MICU2: variants seen among roughly 807,000 people sequenced by gnomAD.
The protein encoded by MICU2 is mitochondrial calcium uptake 2.
MICU2 carries 64 observed loss-of-function variants against 60.4 expected under a neutral mutation model. The ratio of observed to expected loss-of-function variants is 1.06; its 90% confidence interval spans 0.87 to 1.31. The LOEUF is 1.31. Ranked by LOEUF, MICU2 falls within the 50% of genes most tolerant of loss-of-function variation. The probability of loss-of-function intolerance (pLI) is 0.00; values close to 1 mark genes in which losing one functional copy is unlikely to be tolerated. For synonymous variants in MICU2, 201 were observed against 175.0 expected (o/e 1.15, Z -1.17); for missense variants, 569 against 531.0 (o/e 1.07, Z -0.70).
At chr13:21,512,511 G>A (rs1471198763) in intron 7 of MICU2, among the ~76,000 whole-genome samples, 4 of 144,232 alleles carry the variant, frequency 2.8e-5, no homozygotes, top group East Asian at 2.1e-4. Context: ...GCAGTGGCTC[G>A]ATCTCGGCTC....
intron 4 of MICU2, among the ~76,000 whole-genome samples, chr13:21,528,419 T>C (rs1390969345): frequency 6.6e-6 from 1 of 152,202 alleles, no homozygotes; most frequent in Non-Finnish European, 1.5e-5. Flanking sequence ...TGTCAACTCA[T>C]GTATTTCAGG....
At chr13:21,500,417 ATTTTTTTTTTTTTTT>A (rs10608018) in intron 9 of MICU2, among the ~76,000 whole-genome samples, 1 of 124,960 alleles carries the variant, frequency 8.0e-6, no homozygotes, top group African/African-American at 3.0e-5. Flanking sequence ...ATACCTACTG[ATTTTTTTTTTTTTTT>A]TTTTTTTTTT....
intron 1 of MICU2, among the ~76,000 whole-genome samples, chr13:21,579,442 G>A (rs1888296946): frequency 6.6e-6 from 1 of 150,744 alleles, no homozygotes; most frequent in South Asian, 2.1e-4. Flanking sequence ...GTGGGTTCAA[G>A]AGATTCTCCT....
intron 4 of MICU2, among the ~76,000 whole-genome samples, chr13:21,527,958 C>T (rs1192236993): frequency 6.6e-6 from 1 of 152,140 alleles, no homozygotes; most frequent in African/African-American, 2.4e-5. Context: ...TAAAATATGA[C>T]CGCTGTTAAG....
chr13:21,549,698 G>C (rs1413381684), intron 2 of MICU2, among the ~76,000 whole-genome samples: 1 of 152,142 alleles, frequency 6.6e-6, no homozygotes, highest in Non-Finnish European at 1.5e-5. Context: ...ACCAGCATAG[G>C]GCAAAATTCC....
At chr13:21,560,013 G>T (rs972038759) in intron 2 of MICU2, among the ~76,000 whole-genome samples, 4 of 152,010 alleles carry the variant, frequency 2.6e-5, no homozygotes, top group African/African-American at 9.7e-5. Context: ...TTCCTCTTCT[G>T]TGAATGCCTA....
At position 21,603,935 on chromosome 13, in the gene MICU2, G is replaced by C. The variant is rs1313919641; in HGVS notation, c.210+4C>G. ...GGGGCTAGCAGAAGGAGTTAGTCCTGTACCTGTGCGGAGACTGTAAAACTG... is the reference window on the plus strand; with the variant it reads ...GGGGCTAGCAGAAGGAGTTAGTCCTCTACCTGTGCGGAGACTGTAAAACTG... On this transcript the variant is annotated splice_donor_region_variant and intron_variant, in intron 1 of 11. Transcript: ENST00000382374. 1.9e-6 allele frequency: 3 copies of C among 1,612,192 alleles called. No homozygotes were observed. In the East Asian group the frequency reaches 6.7e-5, roughly 36 times the overall value.
intron 4 of MICU2, among the ~76,000 whole-genome samples, chr13:21,536,860 T>C (rs1371000895): frequency 6.6e-6 from 1 of 152,250 alleles, no homozygotes; most frequent in East Asian, 1.9e-4. Flanking sequence ...CTCAGATCCT[T>C]GATAAGGTTC....
intron 1 of MICU2, among the ~76,000 whole-genome samples, chr13:21,600,531 A>G (rs1888790315): frequency 6.6e-6 from 1 of 152,204 alleles, no homozygotes; most frequent in East Asian, 1.9e-4. Context: ...TGTGTCTCTA[A>G]TCCCTGCTCC....
chr13:21,544,209 C>T (rs1887352844), intron 2 of MICU2, among the ~76,000 whole-genome samples: 1 of 151,618 alleles, frequency 6.6e-6, no homozygotes, highest in Non-Finnish European at 1.5e-5. Context: ...TACAAAACCA[C>T]TTTAAGAAAA....
At chr13:21,513,072 T>C (rs1886472271) in intron 7 of MICU2, among the ~76,000 whole-genome samples, 1 of 152,220 alleles carries the variant, frequency 6.6e-6, no homozygotes, top group African/African-American at 2.4e-5. Flanking sequence ...TACATTTTTC[T>C]TGTACCTAGT....
rs1885987537 is a variant in MICU2, at chr13:21,496,045, A to G, written c.1042+7T>C. On this transcript the variant is annotated splice_region_variant and intron_variant, in intron 10 of 11. Transcript: ENST00000382374. ...ATAAAAATTAAATGGTTTTTCATATAACTTACCTAGTCTGACAGGACGATG... is the reference window on the plus strand; with the variant it reads ...ATAAAAATTAAATGGTTTTTCATATGACTTACCTAGTCTGACAGGACGATG... 1 of 1,597,970 alleles carries G rather than the reference A, an allele frequency of 6.3e-7. No individual in the cohort carries two copies. The highest frequency in any genetic ancestry group is 8.5e-7 in the Non-Finnish European group (1 of 1,169,748).
intron 1 of MICU2, among the ~76,000 whole-genome samples, chr13:21,592,656 G>A (rs1222529753): frequency 2.0e-5 from 3 of 152,180 alleles, no homozygotes; most frequent in Non-Finnish European, 4.4e-5. Flanking sequence ...ACATCAAAAA[G>A]TTTATCCACC....
rs755293720 is a variant in MICU2, at chr13:21,495,186, T to C, written c.1175A>G (p.Lys392Arg). The part of the protein sequence containing the change: ...LSHEEFLGVL[K>R]NRMHRGLWVP... The stretch of plus-strand genomic sequence containing the variant: ...CCATAAACCTCGATGCATTCTGTTT[T>C]TTAACACCCCAAGAAACTCTTCATG... The change falls in exon 11 of 12, where the codon AAA becomes AGA. Residue 392 changes from lysine (K) to arginine (R), a missense_variant. Physicochemically the swap from Lys to Arg is conservative, Grantham distance 26. Transcript: ENST00000382374. 1 of 1,608,306 alleles carries C rather than the reference T, an allele frequency of 6.2e-7. No individual in the cohort carries two copies. Among genetic ancestry groups the C allele is most frequent in the Non-Finnish European group, 8.5e-7 (1 of 1,177,996 alleles).
At chr13:21,555,880 G>T (rs1887696009) in intron 2 of MICU2, among the ~76,000 whole-genome samples, 1 of 152,106 alleles carries the variant, frequency 6.6e-6, no homozygotes, top group South Asian at 2.1e-4. Flanking sequence ...TATTATGAAG[G>T]AACTCTGTGC....
In MICU2 at chr13:21,566,772, TAAAAA is replaced by T. The variant is rs66467009; in HGVS notation, c.358+20_358+24del. 7.7e-7 allele frequency: 1 copy of T among 1,291,998 alleles called. No homozygotes were observed. The highest frequency in any genetic ancestry group is 2.8e-5 in the East Asian group (1 of 35,124). The allele number at this position is 1,291,998 out of a possible 1,614,324, so 80.0% of individuals were successfully genotyped here. A position where few individuals can be genotyped will look rare whatever the true frequency, so the allele number is the denominator to read the frequency against. Reference sequence around the variant, plus strand: ...AGCCCTGAAGTCTGATTTTTTTAATTAAAAAAAAAAAAGACCCAACTCACGTTCCA... The same window carrying T: ...AGCCCTGAAGTCTGATTTTTTTAATTAAAAAAAGACCCAACTCACGTTCCA... On this transcript the variant is annotated intron_variant, in intron 2 of 11. Coordinates refer to ENST00000382374, the MANE Select transcript of MICU2 (RefSeq NM_152726.3).
intron 1 of MICU2, among the ~76,000 whole-genome samples, chr13:21,568,934 T>C (rs554886898): frequency 2.1e-4 from 32 of 152,182 alleles, no homozygotes; most frequent in Admixed American, 5.9e-4. Flanking sequence ...CTATAACTCA[T>C]ACAGGATAAC....
chr13:21,516,332 T>C (rs1886569529), intron 6 of MICU2, among the ~76,000 whole-genome samples: 1 of 152,216 alleles, frequency 6.6e-6, no homozygotes, highest in South Asian at 2.1e-4. Flanking sequence ...ATGTATTCTT[T>C]TGTGTCTGCC....
At chr13:21,583,706 G>C (rs924841502) in intron 1 of MICU2, among the ~76,000 whole-genome samples, 3 of 152,200 alleles carry the variant, frequency 2.0e-5, no homozygotes, top group South Asian at 2.1e-4. Context: ...GCAGTTCCCT[G>C]ACCTGAAATT....
Sources: gnomAD v4.1 joint callset for allele counts (sites outside exome capture counted in the v4.1 genomes callset) on GRCh38, gnomAD v4.1.1 for gene constraint, MANE v1.5 for transcripts, NCBI Gene and HGNC (gene_info 2026-07-23, HGNC 2026-07-21) for gene names.